Variants in SCUBE3 observed in about 807,000 individuals in gnomAD.
SCUBE3 encodes signal peptide, CUB domain and EGF like domain containing 3.
In SCUBE3, 33 loss-of-function variants were observed where a neutral mutation model predicts 116.8. The observed-to-expected ratio is 0.28, with a 90% confidence interval of 0.21 to 0.38. The LOEUF is 0.38. Ranked by LOEUF, SCUBE3 falls within the 10% of genes least tolerant of loss-of-function variation. SCUBE3 has a pLI of 1.00. For missense variants in SCUBE3, 1,007 were observed against 1,324.8 expected (o/e 0.76, Z 3.72); for synonymous variants, 418 against 496.9 (o/e 0.84, Z 2.11).
At position 35,248,932 on chromosome 6, in the gene SCUBE3, GA is replaced by G. The variant is rs1784458685; in HGVS notation, c.*231del. 1 of 557,880 alleles carries G rather than the reference GA, an allele frequency of 1.8e-6. No homozygotes were observed. Among genetic ancestry groups the G allele is most frequent in the Admixed American group, 3.2e-5 (1 of 31,206 alleles). 34.6% of individuals were successfully genotyped at this position (557,880 alleles called of 1,614,324 possible). A position where few individuals can be genotyped will look rare whatever the true frequency, so the allele number is the denominator to read the frequency against. The stretch of plus-strand genomic sequence containing the variant: ...TCCCCCTTTTCTAACACACTACCTA[GA>G]AAAGCCATTCAGTACTGGCTCTAGT... On this transcript the variant is annotated 3_prime_UTR_variant, in exon 22 of 22. Coordinates refer to ENST00000274938, the MANE Select transcript of SCUBE3 (RefSeq NM_152753.4).
intron 6 of SCUBE3, 115 bp from the exon 7 acceptor site, chr6:35,237,787 A>G (rs1242181077): frequency 1.5e-6 from 1 of 651,192 alleles, no homozygotes; most frequent in East Asian, 2.6e-5. Flanking sequence ...CTTCTAAAGC[A>G]CAGAGAGGCA....
At chr6:35,229,293 G>A (rs1783441612) in intron 3 of SCUBE3, among the ~76,000 whole-genome samples, 1 of 152,178 alleles carries the variant, frequency 6.6e-6, no homozygotes, top group African/African-American at 2.4e-5. Flanking sequence ...GTGCATACCT[G>A]TAGTCCCCAG....
At chr6:35,226,832 T>G (rs575779164) in intron 1 of SCUBE3, among the ~76,000 whole-genome samples, 2 of 152,300 alleles carry the variant, frequency 1.3e-5, no homozygotes, top group African/African-American at 4.8e-5. Context: ...GAGTGGCCTC[T>G]TCCTTCAAGT....
At chr6:35,237,138 C>A (rs1471845034) in intron 6 of SCUBE3, among the ~76,000 whole-genome samples, 1 of 152,200 alleles carries the variant, frequency 6.6e-6, no homozygotes, top group Non-Finnish European at 1.5e-5. Flanking sequence ...CCTTTTTACA[C>A]CCTTCCTTCT....
chr6:35,217,469 A>G (rs1581905466), intron 1 of SCUBE3, among the ~76,000 whole-genome samples: 1 of 146,690 alleles, frequency 6.8e-6, no homozygotes, highest in Non-Finnish European at 1.5e-5. Context: ...TTTCCAAGTA[A>G]CCCCATCCCT....
intron 1 of SCUBE3, among the ~76,000 whole-genome samples, chr6:35,225,667 G>A (rs1012003815): frequency 2.6e-5 from 4 of 152,196 alleles, no homozygotes; most frequent in Non-Finnish European, 5.9e-5. Flanking sequence ...GAGGCAGGGT[G>A]TTTGGGGATT....
rs1782794433 is a variant in SCUBE3 at position 35,214,297 on chromosome 6, C to G, written c.-122C>G. On this transcript the variant is annotated 5_prime_UTR_variant, in exon 1 of 22. Coordinates refer to ENST00000274938, the MANE Select transcript of SCUBE3 (RefSeq NM_152753.4). This position sits in a 1 kb window ranked among gnomAD's most constrained non-coding sequence, Gnocchi z 6.3. ...GTCCGCGCCCCGCGACTGCAGCCCCCGGCCTGGCCCCGGCGGGGCGCCCCC... is the reference window on the plus strand; with the variant it reads ...GTCCGCGCCCCGCGACTGCAGCCCCGGGCCTGGCCCCGGCGGGGCGCCCCC... 2.2e-6 allele frequency: 1 copy of G among 452,584 alleles called. No homozygotes were observed. Among genetic ancestry groups the G allele is most frequent in the Non-Finnish European group, 3.5e-6 (1 of 283,340 alleles). 28.0% of individuals were successfully genotyped at this position (452,584 alleles called of 1,614,324 possible).
chr6:35,241,986 C>A lies in SCUBE3; in HGVS notation c.1417+76C>A. 9.2e-7 allele frequency: 1 copy of A among 1,087,174 alleles called. No homozygotes were observed. The allele number at this position is 1,087,174 out of a possible 1,614,324, so 67.3% of individuals were successfully genotyped here. A position where few individuals can be genotyped will look rare whatever the true frequency, so the allele number is the denominator to read the frequency against. On this transcript the variant is annotated intron_variant, in intron 12 of 21. Transcript: ENST00000274938. The surrounding 1 kb of genome is among the most constrained non-coding windows in gnomAD (Gnocchi z 4.1). ...CCCTTATTTTTGTTCTTCATCAATC[C>A]CCTGGCCTTCCTTTCTCCTGGATCC...
Position 35,231,201 on chromosome 6 carries a change from C to T in SCUBE3, c.335-524C>T, listed in dbSNP as rs531736813. On this transcript the variant is annotated intron_variant, in intron 3 of 21. Coordinates refer to ENST00000274938, the MANE Select transcript of SCUBE3 (RefSeq NM_152753.4). This position sits in a 1 kb window ranked among gnomAD's most constrained non-coding sequence, Gnocchi z 4.2. Reference sequence around the variant, plus strand: ...GGCCTGTCCACAGAAATGGTCCCTGCTCCACAAGGAGGTGAGGCTCAGCTG... The same window carrying T: ...GGCCTGTCCACAGAAATGGTCCCTGTTCCACAAGGAGGTGAGGCTCAGCTG... 2.0e-5 allele frequency among the ~76,000 whole-genome samples: 3 copies of T among 152,258 alleles called. No homozygotes were observed. Among genetic ancestry groups the T allele is most frequent in the Non-Finnish European group, 4.4e-5 (3 of 67,990 alleles).
In SCUBE3 at chr6:35,233,423, G is replaced by T; in HGVS notation, c.712+122G>T. The T allele has an allele frequency of 1.5e-6, 1 of 677,214 alleles. No homozygotes were observed. 42.0% of individuals were successfully genotyped at this position (677,214 alleles called of 1,614,324 possible). Reference sequence around the variant, plus strand: ...TGCTGGGCACAGAGGGACTGGTGAGGGAGTTAAGACCCAGAAAATGCCAGG... The same window carrying T: ...TGCTGGGCACAGAGGGACTGGTGAGTGAGTTAAGACCCAGAAAATGCCAGG... On this transcript the variant is annotated intron_variant, in intron 6 of 21. Coordinates refer to ENST00000274938, the MANE Select transcript of SCUBE3 (RefSeq NM_152753.4). This position sits in a 1 kb window ranked among gnomAD's most constrained non-coding sequence, Gnocchi z 5.7.
intron 3 of SCUBE3, among the ~76,000 whole-genome samples, chr6:35,229,457 G>A (rs1562046591): frequency 6.6e-6 from 1 of 152,038 alleles, no homozygotes; most frequent in Non-Finnish European, 1.5e-5. Context: ...GCTGCTGTGC[G>A]GATCACCACA....
rs980746012 is a variant in SCUBE3 at position 35,243,204 on chromosome 6, G to A, written c.1877G>A (p.Arg626Lys). ...GERAEPMESC[R>K]PGQHRAGTKC... ...CGAGCAGAGCCGATGGAGTCCTGTAGGCCCGGGCAGCACCGTGCTGGGACC... is the reference window on the plus strand; with the variant it reads ...CGAGCAGAGCCGATGGAGTCCTGTAAGCCCGGGCAGCACCGTGCTGGGACC... Residue 626 changes from arginine (R) to lysine (K), a missense_variant, in exon 15 of 22, where the codon AGG (arginine) becomes AAG (lysine). Arg to Lys is a conservative substitution (Grantham distance 26). Around this residue, in one of 5 missense-constraint regions of SCUBE3, gnomAD observed 544 missense variants for 638.9 expected, o/e 0.85. Transcript: ENST00000274938. This position sits in a 1 kb window ranked among gnomAD's most constrained non-coding sequence, Gnocchi z 6.6. 1 of 1,614,150 alleles carries A rather than the reference G, an allele frequency of 6.2e-7. No homozygotes were observed. Among genetic ancestry groups the A allele is most frequent in the East Asian group, 2.2e-5 (1 of 44,878 alleles).
At chr6:35,218,127 A>C in intron 1 of SCUBE3, 1 of 985,206 alleles carries the variant, frequency 1.0e-6, no homozygotes, top group Non-Finnish European at 1.2e-6. Context: ...AACCTTCAGG[A>C]ATCTGAGAGC....
At position 35,239,500 on chromosome 6, in the gene SCUBE3, T is replaced by A. The variant is rs1442668551; in HGVS notation, c.830-252T>A. Among the ~76,000 whole-genome samples, 1 of 152,040 alleles carries A rather than the reference T, an allele frequency of 6.6e-6. No homozygotes were observed. The highest frequency in any genetic ancestry group is 1.5e-5 in the Non-Finnish European group (1 of 68,010). ...GTTTTGGTTCCAATTTGTCCCCTTA[T>A]AAGAACACTCAATCCCAGAAGAGAG... On this transcript the variant is annotated intron_variant, in intron 7 of 21. Coordinates refer to ENST00000274938, the MANE Select transcript of SCUBE3 (RefSeq NM_152753.4). The surrounding 1 kb of genome is among the most constrained non-coding windows in gnomAD (Gnocchi z 4.1).
At position 35,228,135 on chromosome 6, in the gene SCUBE3, A is replaced by T. The variant is rs1783401254; in HGVS notation, c.208+433A>T. Among the ~76,000 whole-genome samples the T allele has an allele frequency of 6.6e-6, 1 of 152,256 alleles. No individual in the cohort carries two copies. The highest frequency in any genetic ancestry group is 6.5e-5 in the Admixed American group (1 of 15,290). Reference sequence around the variant, plus strand: ...CAAATTAAAGTAGCCTTGAGATATTAAATTTATGAGCTTCAGTGTTGGTGA... The same window carrying T: ...CAAATTAAAGTAGCCTTGAGATATTTAATTTATGAGCTTCAGTGTTGGTGA... On this transcript the variant is annotated intron_variant, in intron 2 of 21. Transcript: ENST00000274938. The surrounding 1 kb of genome is among the most constrained non-coding windows in gnomAD (Gnocchi z 4.9).
At position 35,237,818 on chromosome 6, in the gene SCUBE3, C is replaced by G. The variant is rs563999126; in HGVS notation, c.713-84C>G. ...AGGCAGCTGAGGCCTTCCCTCGGGCCTCTGTGGTCTCCACTACCCTCAGAG... is the reference window on the plus strand; with the variant it reads ...AGGCAGCTGAGGCCTTCCCTCGGGCGTCTGTGGTCTCCACTACCCTCAGAG... On this transcript the variant is annotated intron_variant, in intron 6 of 21. Coordinates refer to ENST00000274938, the MANE Select transcript of SCUBE3 (RefSeq NM_152753.4). 2.3e-3 allele frequency: 1,813 copies of G among 784,336 alleles called. 15 individuals are homozygous for G. Among genetic ancestry groups the G allele is most frequent in the Non-Finnish European group, 1.5e-3 (685 of 464,430 alleles). 48.6% of individuals were successfully genotyped at this position (784,336 alleles called of 1,614,324 possible).
chr6:35,248,543 C>A lies in SCUBE3; in HGVS notation c.2833-13C>A, dbSNP rs1287489493. The stretch of plus-strand genomic sequence containing the variant: ...ACGGTGAGGCTGACATTGCTCCCTG[C>A]CATCCTTTGCAGGACAAGAAGCTCA... On this transcript the variant is annotated splice_polypyrimidine_tract_variant and intron_variant, in intron 21 of 21. Coordinates refer to ENST00000274938, the MANE Select transcript of SCUBE3 (RefSeq NM_152753.4). 1.9e-6 allele frequency: 3 copies of A among 1,613,616 alleles called. No individual in the cohort carries two copies.
Position 35,244,836 on chromosome 6 carries a change from A to C in SCUBE3, c.2401+25A>C, listed in dbSNP as rs749477753. On this transcript the variant is annotated intron_variant, in intron 18 of 21. Transcript: ENST00000274938. This position sits in a 1 kb window ranked among gnomAD's most constrained non-coding sequence, Gnocchi z 4.3. ...AGTACGTGGCAAGCCAGGCTGTGCA[A>C]AAGGGAGGAGAGAGGCCTGGGAGCA... The C allele has an allele frequency of 1.2e-6, 2 of 1,612,234 alleles. No homozygotes were observed. The highest frequency in any genetic ancestry group is 1.7e-5 in the Admixed American group (1 of 60,000).
chr6:35,233,350 TG>T lies in SCUBE3; in HGVS notation c.712+52del. 1.1e-6 allele frequency: 1 copy of T among 916,114 alleles called. No homozygotes were observed. The highest frequency in any genetic ancestry group is 1.8e-6 in the Non-Finnish European group (1 of 565,976). 56.7% of individuals were successfully genotyped at this position (916,114 alleles called of 1,614,324 possible). On this transcript the variant is annotated intron_variant, in intron 6 of 21. Transcript: ENST00000274938. This position sits in a 1 kb window ranked among gnomAD's most constrained non-coding sequence, Gnocchi z 5.7. Reference sequence around the variant, plus strand: ...CAGTCCACCTGAGATGGGGTGGGGGTGGGACCCTTTGGGAACCAGGGAAGTG... The same window carrying T: ...CAGTCCACCTGAGATGGGGTGGGGGTGGACCCTTTGGGAACCAGGGAAGTG...
Sources: allele counts gnomAD v4.1 joint callset (sites outside exome capture counted in the v4.1 genomes callset), GRCh38; gene constraint gnomAD v4.1.1; regional missense constraint gnomAD v4.1.1; non-coding constraint Gnocchi (gnomAD v3.1); transcripts MANE v1.5; gene names NCBI Gene and HGNC (gene_info 2026-07-23, HGNC 2026-07-21).